The following NANOS2 variants were observed in gnomAD, a reference collection of about 807,000 sequenced individuals.
NANOS2 encodes the protein nanos homolog 2.
In NANOS2, 3 loss-of-function variants were observed where a neutral mutation model predicts 6.4. That is an observed-to-expected ratio of 0.47 (90% CI 0.22 to 1.22). NANOS2 has a LOEUF of 1.22. NANOS2 is among the 50% of genes most tolerant of loss of function. The pLI is 0.22. For synonymous variants in NANOS2, 86 were observed against 85.6 expected (o/e 1.00, Z -0.03); for missense variants, 177 against 191.0 (o/e 0.93, Z 0.43).
rs965627398 is a variant in NANOS2 at position 45,913,459 on chromosome 19, A to G, written c.*818T>C. The stretch of plus-strand genomic sequence containing the variant: ...AAAAAAAAATGTCCTTTAGTCAACT[A>G]TCACGATTTGGGGGGTCGGACGGGA... On this transcript the variant is annotated 3_prime_UTR_variant, in exon 1 of 1. Transcript: ENST00000341294. The G allele has an allele frequency of 6.6e-6, 1 of 152,024 alleles. No homozygotes were observed. The highest frequency in any genetic ancestry group is 2.4e-5 in the African/African-American group (1 of 41,390). 9.4% of individuals were successfully genotyped at this position (152,024 alleles called of 1,614,324 possible). A position where few individuals can be genotyped will look rare whatever the true frequency, so the allele number is the denominator to read the frequency against.
rs1264442152 is a variant in NANOS2, at chr19:45,914,151, C to T, written c.*126G>A. 3.0e-6 allele frequency: 3 copies of T among 983,902 alleles called. No homozygotes were observed. The highest frequency in any genetic ancestry group is 4.4e-6 in the Non-Finnish European group (3 of 680,614). 60.9% of individuals were successfully genotyped at this position (983,902 alleles called of 1,614,324 possible). A position where few individuals can be genotyped will look rare whatever the true frequency, so the allele number is the denominator to read the frequency against. On this transcript the variant is annotated 3_prime_UTR_variant, in exon 1 of 1. Coordinates refer to ENST00000341294, the MANE Select transcript of NANOS2 (RefSeq NM_001029861.3). Reference sequence around the variant, plus strand: ...CAGCAGCCTCCACTGTTTCAGGATCCAGCCAGGGTGGAGTTCTGGGGGCCA... The same window carrying T: ...CAGCAGCCTCCACTGTTTCAGGATCTAGCCAGGGTGGAGTTCTGGGGGCCA...
chr19:45,914,243 G>A lies in NANOS2; in HGVS notation c.*34C>T. 1 of 1,580,270 alleles carries A rather than the reference G, an allele frequency of 6.3e-7. No homozygotes were observed. Among genetic ancestry groups the A allele is most frequent in the South Asian group, 1.2e-5 (1 of 86,214 alleles). On this transcript the variant is annotated 3_prime_UTR_variant, in exon 1 of 1. Coordinates refer to ENST00000341294, the MANE Select transcript of NANOS2 (RefSeq NM_001029861.3). Reference sequence around the variant, plus strand: ...GACTTGGGTGGGATGGACCAGGAGGGTCAGGGGTGCGGGTGGTGAGCATCT... The same window carrying A: ...GACTTGGGTGGGATGGACCAGGAGGATCAGGGGTGCGGGTGGTGAGCATCT...
chr19:45,914,746 C>T lies in NANOS2; in HGVS notation c.-53G>A, dbSNP rs554008944. On this transcript the variant is annotated 5_prime_UTR_variant, in exon 1 of 1. Coordinates refer to ENST00000341294, the MANE Select transcript of NANOS2 (RefSeq NM_001029861.3). ...AGGAGAGGGGCTGGGGCTGGGGGCC[C>T]GTGGGCAAGGGCAAGAGCAGCAGGC... 3.2e-6 allele frequency: 5 copies of T among 1,539,838 alleles called. No homozygotes were observed. The highest frequency in any genetic ancestry group is 1.9e-5 in the Admixed American group (1 of 51,608).
In NANOS2 at chr19:45,914,749, G is replaced by C; in HGVS notation, c.-56C>G. 3.3e-6 allele frequency: 5 copies of C among 1,517,946 alleles called. No individual in the cohort carries two copies. The highest frequency in any genetic ancestry group is 2.5e-5 in the South Asian group (2 of 80,154). The allele number at this position is 1,517,946 out of a possible 1,614,324, so 94.0% of individuals were successfully genotyped here. ...AGAGGGGCTGGGGCTGGGGGCCCGT[G>C]GGCAAGGGCAAGAGCAGCAGGCGTT... On this transcript the variant is annotated 5_prime_UTR_variant, in exon 1 of 1. Coordinates refer to ENST00000341294, the MANE Select transcript of NANOS2 (RefSeq NM_001029861.3).
chr19:45,914,517 C>T lies in NANOS2; in HGVS notation c.177G>A (p.Leu59=). The T allele has an allele frequency of 1.9e-6, 3 of 1,614,072 alleles. No homozygotes were observed. The highest frequency in any genetic ancestry group is 3.3e-4 in the Middle Eastern group (2 of 6,060). Residue 59 remains leucine, a synonymous_variant, in exon 1 of 1, where the codon CTG becomes CTA. Coordinates refer to ENST00000341294, the MANE Select transcript of NANOS2 (RefSeq NM_001029861.3). ...GLGAPGANGG[L]GTLCNFCKHN... is the part of the protein sequence containing the mutation. ...GCTTGCAGAAGTTGCACAGGGTCCCCAGGCCCCCGTTGGCCCCTGGCGCCC... is the reference window on the plus strand; with the variant it reads ...GCTTGCAGAAGTTGCACAGGGTCCCTAGGCCCCCGTTGGCCCCTGGCGCCC...
chr19:45,914,396 C>T lies in NANOS2; in HGVS notation c.298G>A (p.Val100Met), dbSNP rs1967446505. 1.2e-6 allele frequency: 2 copies of T among 1,614,134 alleles called. No individual in the cohort carries two copies. The highest frequency in any genetic ancestry group is 2.2e-5 in the South Asian group (2 of 91,086). ...CPILRHYVCP[V>M]CGATGDQAHT... ...GCCTGGTCACCGGTGGCCCCGCACA[C>T]GGGACACACGTAGTGCCTCAGGATG... The change falls in exon 1 of 1, where the codon GTG becomes ATG. Residue 100 changes from valine to methionine, a missense_variant. Val to Met is a conservative substitution (Grantham distance 21). Transcript: ENST00000341294.
chr19:45,914,690 G>A lies in NANOS2; in HGVS notation c.4C>T (p.Gln2Ter). 1.9e-6 allele frequency: 3 copies of A among 1,609,094 alleles called. No homozygotes were observed. Among genetic ancestry groups the A allele is most frequent in the Non-Finnish European group, 2.5e-6 (3 of 1,176,616 alleles). ...TTCCACATGTCGAAGGGTGGCAGCT[G>A]CATGGCACCAAAGCAGGGGTGGTGG... is the stretch of plus-strand genomic sequence containing the variant. M[Q>*]LPPFDMWKDY... The change falls in exon 1 of 1, where the codon CAG becomes TAG. Residue 2 changes from glutamine (Q) to a stop codon, truncating the protein, a stop_gained. Coordinates refer to ENST00000341294, the MANE Select transcript of NANOS2 (RefSeq NM_001029861.3). LOFTEE classifies it low-confidence loss of function (END_TRUNC).
In NANOS2 at chr19:45,914,158, G is replaced by A; in HGVS notation, c.*119C>T. On this transcript the variant is annotated 3_prime_UTR_variant, in exon 1 of 1. Transcript: ENST00000341294. The stretch of plus-strand genomic sequence containing the variant: ...CTCCACTGTTTCAGGATCCAGCCAG[G>A]GTGGAGTTCTGGGGGCCAGAAATTC... 1 of 1,024,264 alleles carries A rather than the reference G, an allele frequency of 9.8e-7. No individual in the cohort carries two copies. Among genetic ancestry groups the A allele is most frequent in the South Asian group, 1.6e-5 (1 of 62,144 alleles). The allele number at this position is 1,024,264 out of a possible 1,614,324, so 63.4% of individuals were successfully genotyped here.
chr19:45,913,950 G>T lies in NANOS2; in HGVS notation c.*327C>A. On this transcript the variant is annotated 3_prime_UTR_variant, in exon 1 of 1. Transcript: ENST00000341294. ...AAGGAACAGAGAAGTCGAAGGGGCA[G>T]GGCTCCAGTCACCAGCAGGCCCCAC... 1 of 368,954 alleles carries T rather than the reference G, an allele frequency of 2.7e-6. No homozygotes were observed. The highest frequency in any genetic ancestry group is 4.6e-5 in the East Asian group (1 of 21,930). 22.9% of individuals were successfully genotyped at this position (368,954 alleles called of 1,614,324 possible). A position where few individuals can be genotyped will look rare whatever the true frequency, so the allele number is the denominator to read the frequency against.
rs764924190 is a variant in NANOS2 at position 45,914,664 on chromosome 19, C to T, written c.30G>A (p.Lys10=). 1.2e-6 allele frequency: 2 copies of T among 1,613,724 alleles called. No homozygotes were observed. Among genetic ancestry groups the T allele is most frequent in the South Asian group, 2.2e-5 (2 of 91,068 alleles). Residue 10 remains lysine (K), a synonymous_variant, in exon 1 of 1, where the codon AAG becomes AAA. Transcript: ENST00000341294. MQLPPFDMW[K]DYFNLSQVVW... Reference sequence around the variant, plus strand: ...CCACCTGGCTCAGGTTGAAGTAGTCCTTCCACATGTCGAAGGGTGGCAGCT... The same window carrying T: ...CCACCTGGCTCAGGTTGAAGTAGTCTTTCCACATGTCGAAGGGTGGCAGCT...
At position 45,914,710 on chromosome 19, in the gene NANOS2, T is replaced by A. The variant is rs116132731; in HGVS notation, c.-17A>T. The A allele has an allele frequency of 5.3e-3, 8,443 of 1,596,070 alleles. 376 individuals are homozygous for A. In the African/African-American group the frequency reaches 0.094, roughly 18 times the overall value. ...CAGCTGCATGGCACCAAAGCAGGGG[T>A]GGTGGGCCACAGGAGAGGGGCTGGG... On this transcript the variant is annotated 5_prime_UTR_variant, in exon 1 of 1. Coordinates refer to ENST00000341294, the MANE Select transcript of NANOS2 (RefSeq NM_001029861.3).
Position 45,913,885 on chromosome 19 carries a change from AC to A in NANOS2, c.*391del, listed in dbSNP as rs1279076353. ...CTCCTAAGGGCTGGCTTGGGACAGC[AC>A]CGTGGAATCCTGGAGGTTCAAAAAT... On this transcript the variant is annotated 3_prime_UTR_variant, in exon 1 of 1. Transcript: ENST00000341294. The A allele has an allele frequency of 4.6e-6, 1 of 218,420 alleles. No individual in the cohort carries two copies. 13.5% of individuals were successfully genotyped at this position (218,420 alleles called of 1,614,324 possible).
rs1168160165 is a variant in NANOS2 at position 45,913,998 on chromosome 19, G to C, written c.*279C>G. On this transcript the variant is annotated 3_prime_UTR_variant, in exon 1 of 1. Coordinates refer to ENST00000341294, the MANE Select transcript of NANOS2 (RefSeq NM_001029861.3). ...CACGAGGACAAAAGATCCATGAACC[G>C]GGGCCCAGAGGGCGCTACAGGGCCG... is the stretch of plus-strand genomic sequence containing the variant. The C allele has an allele frequency of 8.8e-6, 4 of 452,404 alleles. No individual in the cohort carries two copies. The highest frequency in any genetic ancestry group is 1.6e-5 in the Non-Finnish European group (4 of 251,724). The allele number at this position is 452,404 out of a possible 1,614,324, so 28.0% of individuals were successfully genotyped here.
Position 45,913,542 on chromosome 19 carries a change from G to A in NANOS2, c.*735C>T, listed in dbSNP as rs996026206. 2 of 152,290 alleles carry A rather than the reference G, an allele frequency of 1.3e-5. No individual in the cohort carries two copies. Among genetic ancestry groups the A allele is most frequent in the African/African-American group, 4.8e-5 (2 of 41,566 alleles). The allele number at this position is 152,290 out of a possible 1,614,324, so 9.4% of individuals were successfully genotyped here. ...AAGGACCCATCGGTGATTTGGGGATGGGGGCAGGTACCGGGTGCAATGGGC... is the reference window on the plus strand; with the variant it reads ...AAGGACCCATCGGTGATTTGGGGATAGGGGCAGGTACCGGGTGCAATGGGC... On this transcript the variant is annotated 3_prime_UTR_variant, in exon 1 of 1. Coordinates refer to ENST00000341294, the MANE Select transcript of NANOS2 (RefSeq NM_001029861.3).
In NANOS2 at chr19:45,914,623, G is replaced by C. The variant is rs1431957592; in HGVS notation, c.71C>G (p.Ala24Gly). 2 of 1,614,238 alleles carry C rather than the reference G, an allele frequency of 1.2e-6. No individual in the cohort carries two copies. The highest frequency in any genetic ancestry group is 1.7e-6 in the Non-Finnish European group (2 of 1,180,028). Residue 24 changes from alanine to glycine, a missense_variant, in exon 1 of 1, where the codon GCA (alanine) becomes GGA (glycine). Physicochemically the swap from Ala to Gly is moderately conservative, Grantham distance 60. Coordinates refer to ENST00000341294, the MANE Select transcript of NANOS2 (RefSeq NM_001029861.3). ...GGTCTCCAGCCTTTGACCCCGACTT[G>C]CGATCAGCGCCCACACCACCTGGCT... ...NLSQVVWALI[A>G]SRGQRLETQE... is the part of the protein sequence containing the mutation.
Position 45,914,505 on chromosome 19 carries a change from G to A in NANOS2, c.189C>T (p.Cys63=), listed in dbSNP as rs142632985. The stretch of plus-strand genomic sequence containing the variant: ...ACTCCCCGTTGTGCTTGCAGAAGTT[G>A]CACAGGGTCCCCAGGCCCCCGTTGG... ...PGANGGLGTL[C]NFCKHNGESR... The change falls in exon 1 of 1, where the codon TGC becomes TGT. Residue 63 remains cysteine, a synonymous_variant. Coordinates refer to ENST00000341294, the MANE Select transcript of NANOS2 (RefSeq NM_001029861.3). 5 of 1,613,940 alleles carry A rather than the reference G, an allele frequency of 3.1e-6. No individual in the cohort carries two copies. The highest frequency in any genetic ancestry group is 8.5e-7 in the Non-Finnish European group (1 of 1,179,976).
At position 45,914,313 on chromosome 19, in the gene NANOS2, G is replaced by A. The variant is rs978674771; in HGVS notation, c.381C>T (p.Ser127=). ...CCCTGCGTCCGGCCGAGTTGCGCCC[G>A]CTGCGGCGGTAGAGGGACTGCTGGC... The part of the protein sequence containing the change: ...NGGQQSLYRR[S]GRNSAGRRVK... The change falls in exon 1 of 1, where the codon AGC becomes AGT. Residue 127 remains serine, a synonymous_variant. Transcript: ENST00000341294. The A allele has an allele frequency of 7.4e-6, 12 of 1,613,326 alleles. No individual in the cohort carries two copies. The highest frequency in any genetic ancestry group is 2.7e-5 in the African/African-American group (2 of 74,938).
rs763883631 is a variant in NANOS2, at chr19:45,914,560, C to T, written c.134G>A (p.Gly45Glu). The T allele has an allele frequency of 4.3e-6, 7 of 1,614,062 alleles. No homozygotes were observed. The African/African-American group carries it at 8.0e-5, about 18-fold the overall frequency. Residue 45 changes from glycine (G) to glutamate (E), a missense_variant, in exon 1 of 1, where the codon GGG becomes GAG. Transcript: ENST00000341294. ...IEEPSPGPPL[G>E]QDQGLGAPGA... The stretch of plus-strand genomic sequence containing the variant: ...TGGCGCCCCCAGCCCCTGATCCTGC[C>T]CCAGCGGAGGCCCGGGACTTGGCTC...
In NANOS2 at chr19:45,913,424, A is replaced by G. The variant is rs1361602860; in HGVS notation, c.*853T>C. 6.6e-6 allele frequency: 1 copy of G among 151,968 alleles called. No individual in the cohort carries two copies. The highest frequency in any genetic ancestry group is 6.6e-5 in the Admixed American group (1 of 15,234). The allele number at this position is 151,968 out of a possible 1,614,324, so 9.4% of individuals were successfully genotyped here. On this transcript the variant is annotated 3_prime_UTR_variant, in exon 1 of 1. Coordinates refer to ENST00000341294, the MANE Select transcript of NANOS2 (RefSeq NM_001029861.3). ...TGACTTGAACGTTGGAGGTTGAAAAACACAGGAGGAAAAAAAAATGTCCTT... is the reference window on the plus strand; with the variant it reads ...TGACTTGAACGTTGGAGGTTGAAAAGCACAGGAGGAAAAAAAAATGTCCTT...
Sources: gnomAD v4.1 joint callset for allele counts on GRCh38, gnomAD v4.1.1 for gene constraint, MANE v1.5 for transcripts, NCBI Gene and HGNC (gene_info 2026-07-23, HGNC 2026-07-21) for gene names.